Variants in ARHGAP45 observed in about 807,000 individuals in gnomAD.
ARHGAP45 encodes rho GTPase-activating protein 45.
Under a neutral mutation model 116.1 loss-of-function variants are expected in ARHGAP45, and 56 were observed. The ratio of observed to expected loss-of-function variants is 0.48; its 90% CI spans 0.39 to 0.60. ARHGAP45 has a LOEUF of 0.60. Among genes scored for constraint, ARHGAP45 ranks in the 20% least tolerant of loss-of-function variants. The pLI, the probability that ARHGAP45 is intolerant of heterozygous loss-of-function variation, is 0.00. For missense variants in ARHGAP45, 1,622 were observed against 1,601.0 expected (o/e 1.01, Z -0.22); for synonymous variants, 866 against 701.7 (o/e 1.23, Z -3.70).
At chr19:1,080,817 A>AG (rs761781157) in intron 16 of ARHGAP45, 31 bp downstream of exon 16, 1 of 1,611,320 alleles carries the variant, frequency 6.2e-7, no homozygotes, top group Non-Finnish European at 8.5e-7. Context: ...CTGGAGAGAG[A>AG]GGGGGGTTTG....
At chr19:1,085,388 G>C (rs774379861) in intron 22 of ARHGAP45, among the ~76,000 whole-genome samples, 11 of 152,086 alleles carry the variant, frequency 7.2e-5, no homozygotes, top group Admixed American at 5.9e-4. Flanking sequence ...ACAAGATGAG[G>C]TTTGGGTGGG....
At chr19:1,084,119 G>A (rs753934693) in intron 21 of ARHGAP45, 119 bp from the exon 22 acceptor site, 1 of 924,790 alleles carries the variant, frequency 1.1e-6, no homozygotes, top group African/African-American at 1.6e-5. Context: ...GCTGAGGACA[G>A]ACCGCCTGGG....
In ARHGAP45 at chr19:1,073,970, C is replaced by T. The variant is rs867940254; in HGVS notation, c.746C>T (p.Pro249Leu). The T allele has an allele frequency of 1.3e-6, 2 of 1,586,010 alleles. No individual in the cohort carries two copies. Among genetic ancestry groups the T allele is most frequent in the Non-Finnish European group, 1.7e-6 (2 of 1,166,994 alleles). ...SSQSMESLYG[P>L]GSEGTPPSLE... Reference sequence around the variant, plus strand: ...CAGTCCATGGAAAGCCTGTATGGACCGGGCAGTGAGGGCACGCCTCCCAGC... The same window carrying T: ...CAGTCCATGGAAAGCCTGTATGGACTGGGCAGTGAGGGCACGCCTCCCAGC... The change falls in exon 6 of 23, where the codon CCG becomes CTG. Residue 249 changes from proline (P) to leucine (L), a missense_variant. Coordinates refer to ENST00000313093, the MANE Select transcript of ARHGAP45 (RefSeq NM_012292.5).
In ARHGAP45 at chr19:1,086,333, C is replaced by T. The variant is rs1297100651; in HGVS notation, c.*327C>T. On this transcript the variant is annotated 3_prime_UTR_variant, in exon 23 of 23. Transcript: ENST00000313093. The stretch of plus-strand genomic sequence containing the variant: ...AGGAAGCTGTCCCTGCCCAGTGCAT[C>T]CCCCAGGTCATCACGGGGACGCAGG... The T allele has an allele frequency of 1.0e-5, 3 of 287,346 alleles. No individual in the cohort carries two copies. The highest frequency in any genetic ancestry group is 2.2e-5 in the African/African-American group (1 of 45,502). The allele number at this position is 287,346 out of a possible 1,614,324, so 17.8% of individuals were successfully genotyped here. A position where few individuals can be genotyped will look rare whatever the true frequency, so the allele number is the denominator to read the frequency against.
chr19:1,075,074 C>T (rs1039116434), intron 10 of ARHGAP45, among the ~76,000 whole-genome samples, 195 bp downstream of exon 10: 1 of 151,862 alleles, frequency 6.6e-6, no homozygotes, highest in Non-Finnish European at 1.5e-5. Context: ...GCCCCGTCGC[C>T]CCCAGCTCTG....
upstream of ARHGAP45, chr19:1,066,114 G>A (rs1352195230): frequency 3.9e-6 from 6 of 1,535,598 alleles, no homozygotes; most frequent in East Asian, 2.4e-5. Flanking sequence ...GGAGCAAGGG[G>A]CTGTGGCCTT....
intron 17 of ARHGAP45, 104 bp from the exon 18 acceptor site, chr19:1,081,446 C>T (rs1471429884): frequency 8.6e-6 from 10 of 1,160,382 alleles, no homozygotes; most frequent in Non-Finnish European, 1.2e-5. Context: ...CAGAAGCTGC[C>T]GTGTGGGGGC....
rs1394315782 is a variant in ARHGAP45, at chr19:1,083,136, C to T, written c.2745-7C>T. Reference sequence around the variant, plus strand: ...CGCTCAGCACCTGGCCCCTGCCCACCCCGCAGGATCGTGGAGGTGGAGCAG... The same window carrying T: ...CGCTCAGCACCTGGCCCCTGCCCACTCCGCAGGATCGTGGAGGTGGAGCAG... On this transcript the variant is annotated splice_region_variant and splice_polypyrimidine_tract_variant and intron_variant, in intron 20 of 22. Transcript: ENST00000313093. 4 of 1,602,804 alleles carry T rather than the reference C, an allele frequency of 2.5e-6. No homozygotes were observed. The highest frequency in any genetic ancestry group is 1.7e-5 in the Admixed American group (1 of 59,436).
intron 11 of ARHGAP45, among the ~76,000 whole-genome samples, chr19:1,078,309 A>G (rs1340315038): frequency 6.6e-6 from 1 of 150,710 alleles, no homozygotes; most frequent in African/African-American, 2.5e-5. Flanking sequence ...ACGCCTGGCT[A>G]ATTTTTTGTA....
At chr19:1,085,630 CT>C in intron 22 of ARHGAP45, 29 bp from the exon 23 acceptor site, 1 of 1,478,962 alleles carries the variant, frequency 6.8e-7, no homozygotes, top group African/African-American at 1.4e-5. Flanking sequence ...TCCTGTCTGT[CT>C]CCCCCCGCCA....
intron 12 of ARHGAP45, 28 bp downstream of exon 12, chr19:1,079,868 C>T (rs760568195): frequency 1.3e-6 from 2 of 1,592,982 alleles, no homozygotes; most frequent in East Asian, 4.5e-5. Context: ...GCCGCCCGGG[C>T]GGGGATGGTG....
chr19:1,081,411 C>T (rs1055830271), intron 17 of ARHGAP45, 139 bp from the exon 18 acceptor site: 1 of 919,324 alleles, frequency 1.1e-6, no homozygotes, highest in Non-Finnish European at 1.6e-6. Context: ...GTGGAAGCCA[C>T]GAGCCACTGT....
Position 1,083,424 on chromosome 19 carries a change from CGTT to C in ARHGAP45, c.2955+74_2955+76del, listed in dbSNP as rs946850688. The C allele has an allele frequency of 2.2e-5, 29 of 1,345,694 alleles. No homozygotes were observed. The African/African-American group carries it at 3.9e-4, about 18-fold the overall frequency. The allele number at this position is 1,345,694 out of a possible 1,614,324, so 83.4% of individuals were successfully genotyped here. A position where few individuals can be genotyped will look rare whatever the true frequency, so the allele number is the denominator to read the frequency against. Reference sequence around the variant, plus strand: ...AGCAGGGGGCGCTGCTGGGGACAGTCGTTGTCGGATGAAGCCCAAGGAACCACA... The same window carrying C: ...AGCAGGGGGCGCTGCTGGGGACAGTCGTCGGATGAAGCCCAAGGAACCACA... On this transcript the variant is annotated intron_variant, in intron 21 of 22. Transcript: ENST00000313093.
At chr19:1,073,901 C>T in intron 5 of ARHGAP45, 47 bp from the exon 6 acceptor site, 1 of 1,530,650 alleles carries the variant, frequency 6.5e-7, no homozygotes, top group African/African-American at 1.4e-5. Flanking sequence ...TGGGCACTGC[C>T]CAGGGCCCCG....
In ARHGAP45 at chr19:1,079,659, C is replaced by T. The variant is rs578010115; in HGVS notation, c.1375-44C>T. ...CTGAGGTTTCTGTCTGAGTCCTGCA[C>T]CCCGGGCTGAGGCCTCTCTCTGTGC... On this transcript the variant is annotated intron_variant, in intron 11 of 22. Coordinates refer to ENST00000313093, the MANE Select transcript of ARHGAP45 (RefSeq NM_012292.5). 96 of 1,605,946 alleles carry T rather than the reference C, an allele frequency of 6.0e-5. No homozygotes were observed. In the Middle Eastern group the frequency reaches 2.0e-3, roughly 33 times the overall value.
At position 1,085,801 on chromosome 19, in the gene ARHGAP45, G is replaced by C; in HGVS notation, c.3206G>C (p.Gly1069Ala). Reference protein sequence around the residue: ...QSEASLEVASGSHSGSEEQLE... With the variant: ...QSEASLEVASASHSGSEEQLE... ...GAGGCCAGCCTAGAGGTGGCTTCTG[G>C]CAGCCACAGCGGCAGTGAGGAGCAG... Residue 1069 changes from glycine (G) to alanine (A), a missense_variant, in exon 23 of 23, where the codon GGC becomes GCC. Gly to Ala is a moderately conservative substitution (Grantham distance 60). Transcript: ENST00000313093. 1 of 1,612,746 alleles carries C rather than the reference G, an allele frequency of 6.2e-7. No homozygotes were observed. Among genetic ancestry groups the C allele is most frequent in the Non-Finnish European group, 8.5e-7 (1 of 1,179,910 alleles).
Position 1,067,172 on chromosome 19 carries a change from G to T in ARHGAP45, c.-234G>T. On this transcript the variant is annotated 5_prime_UTR_variant, in exon 1 of 23. Transcript: ENST00000313093. ...GCGACCTCACCTTCGCGCCCACTCC[G>T]CAGAGCCGCAGGCTGAGGCCGGGAA... 3 of 1,276,318 alleles carry T rather than the reference G, an allele frequency of 2.4e-6. No individual in the cohort carries two copies. Among genetic ancestry groups the T allele is most frequent in the Non-Finnish European group, 3.0e-6 (3 of 1,012,640 alleles). 79.1% of individuals were successfully genotyped at this position (1,276,318 alleles called of 1,614,324 possible). A position where few individuals can be genotyped will look rare whatever the true frequency, so the allele number is the denominator to read the frequency against.
chr19:1,084,329 C>G lies in ARHGAP45; in HGVS notation c.3047C>G (p.Ala1016Gly), dbSNP rs751784690. The G allele has an allele frequency of 4.3e-6, 7 of 1,609,746 alleles. No individual in the cohort carries two copies. Among genetic ancestry groups the G allele is most frequent in the Non-Finnish European group, 5.9e-6 (7 of 1,178,282 alleles). The change falls in exon 22 of 23, where the codon GCG becomes GGG. Residue 1016 changes from alanine to glycine, a missense_variant. Physicochemically the swap from Ala to Gly is moderately conservative, Grantham distance 60. Transcript: ENST00000313093. ...EAVVYPLQEA[A>G]ADGCRESRVV... ...GTGGTCTACCCGCTGCAGGAGGCGG[C>G]GGCGGACGGGTGCAGAGGTGAGTGT...
At chr19:1,072,124 C>T (rs1296400871) in intron 2 of ARHGAP45, among the ~76,000 whole-genome samples, 3 of 151,954 alleles carry the variant, frequency 2.0e-5, no homozygotes, top group East Asian at 3.9e-4. Flanking sequence ...TGCAGTGGCG[C>T]GATCTCGGCT....
Sources: allele counts gnomAD v4.1 joint callset (sites outside exome capture counted in the v4.1 genomes callset), GRCh38; gene constraint gnomAD v4.1.1; transcripts MANE v1.5; gene names NCBI Gene and HGNC (gene_info 2026-07-23, HGNC 2026-07-21).